The following JAG1 variants were observed in gnomAD, a reference collection of about 807,000 sequenced individuals.
JAG1 encodes jagged canonical Notch ligand 1.
In JAG1, 23 loss-of-function variants were observed where a neutral mutation model predicts 148.7. The observed-to-expected ratio is 0.15, with a 90% CI of 0.11 to 0.22. JAG1 has a LOEUF of 0.22. JAG1 is among the 10% of genes least tolerant of loss of function. The pLI is 1.00. For synonymous variants in JAG1, 572 were observed against 598.3 expected (o/e 0.96, Z 0.64); for missense variants, 1,054 against 1,611.2 (o/e 0.65, Z 5.92).
At position 10,651,596 on chromosome 20, in the gene JAG1, G is replaced by A; in HGVS notation, c.1105C>T (p.Pro369Ser). The A allele has an allele frequency of 6.2e-7, 1 of 1,612,410 alleles. No individual in the cohort carries two copies. The highest frequency in any genetic ancestry group is 8.5e-7 in the Non-Finnish European group (1 of 1,178,492). Residue 369 changes from proline to serine, a missense_variant, in exon 8 of 26, where the codon CCC becomes TCC. Physicochemically the swap from Pro to Ser is moderately conservative, Grantham distance 74 (BLOSUM62 -1). This residue lies in a region of JAG1 where 245 missense variants were observed against 373.1 expected (regional missense o/e 0.66). Transcript: ENST00000254958. ...ECECSPGWTG[P>S]TCSTNIDDCS... is the part of the protein sequence containing the mutation. ...TTGGACTTACTTGTAGAGCATGTGG[G>A]GCCGGTCCAGCCTGGGGAACACTCA... is the stretch of plus-strand genomic sequence containing the variant.
rs996708535 is a variant in JAG1 at position 10,641,470 on chromosome 20, A to C, written c.2906T>G (p.Met969Arg). 1 of 1,613,694 alleles carries C rather than the reference A, an allele frequency of 6.2e-7. No homozygotes were observed. Among genetic ancestry groups the C allele is most frequent in the South Asian group, 1.1e-5 (1 of 91,080 alleles). Residue 969 changes from methionine to arginine, a missense_variant, in exon 23 of 26, where the codon ATG becomes AGG. Met to Arg is a moderately conservative substitution (Grantham distance 91). This residue lies in a region of JAG1 where 342 missense variants were observed against 514.6 expected (regional missense o/e 0.66). Coordinates refer to ENST00000254958, the MANE Select transcript of JAG1 (RefSeq NM_000214.3). ...AAGGTTGTTACATACTGGTGACATC[A>C]TCTCCTTGTTAAAGGTAAATGTGAT... ...ANITFTFNKE[M>R]MSPGLTTEHI...
chr20:10,638,020 T>G lies in JAG1; in HGVS notation c.*1478A>C, dbSNP rs910259099. Reference sequence around the variant, plus strand: ...TTAATAAATATTACTTTTCAAAATTTATTGCCAAGAACAACACATCAAAGA... The same window carrying G: ...TTAATAAATATTACTTTTCAAAATTGATTGCCAAGAACAACACATCAAAGA... On this transcript the variant is annotated 3_prime_UTR_variant, in exon 26 of 26. Transcript: ENST00000254958. The G allele has an allele frequency of 2.6e-5, 4 of 152,694 alleles. No homozygotes were observed. Among genetic ancestry groups the G allele is most frequent in the African/African-American group, 9.6e-5 (4 of 41,472 alleles). 9.5% of individuals were successfully genotyped at this position (152,694 alleles called of 1,614,324 possible). A position where few individuals can be genotyped will look rare whatever the true frequency, so the allele number is the denominator to read the frequency against.
In JAG1 at chr20:10,673,110, G is replaced by T; in HGVS notation, c.82-104C>A. The T allele has an allele frequency of 9.4e-7, 1 of 1,065,894 alleles. No homozygotes were observed. The highest frequency in any genetic ancestry group is 1.4e-6 in the Non-Finnish European group (1 of 712,270). The allele number at this position is 1,065,894 out of a possible 1,614,324, so 66.0% of individuals were successfully genotyped here. ...CTCCCCGCCCCGACGAGCCCTCCTC[G>T]CCGAGTGAAAATAATTTTGCGAAAC... On this transcript the variant is annotated intron_variant, in intron 1 of 25. Transcript: ENST00000254958. The surrounding 1 kb of genome is among the most constrained non-coding windows in gnomAD (Gnocchi z 4.7).
At chr20:10,667,189 C>T (rs370930455) in intron 2 of JAG1, among the ~76,000 whole-genome samples, 5 of 152,346 alleles carry the variant, frequency 3.3e-5, no homozygotes, top group Admixed American at 6.5e-5. Flanking sequence ...AAACGGCACG[C>T]GTGCGGCGTC....
rs374350782 is a variant in JAG1, at chr20:10,663,954, G to A, written c.439+9C>T. The A allele has an allele frequency of 6.3e-5, 102 of 1,611,342 alleles. No individual in the cohort carries two copies. The highest frequency in any genetic ancestry group is 3.3e-4 in the Middle Eastern group (2 of 6,078). The stretch of plus-strand genomic sequence containing the variant: ...TGTTTAGAGAAAAGTCCACAGAAGC[G>A]ATACTTACGAACGGTGTCATTACTG... On this transcript the variant is annotated intron_variant, in intron 3 of 25. Coordinates refer to ENST00000254958, the MANE Select transcript of JAG1 (RefSeq NM_000214.3).
At chr20:10,644,222 C>G (rs1600180877) in intron 19 of JAG1, 135 bp downstream of exon 19, 2 of 816,966 alleles carry the variant, frequency 2.4e-6, no homozygotes, top group Middle Eastern at 3.1e-4. Context: ...TGAGGCCCCA[C>G]CCCAGACCTC....
rs1211109933 is a variant in JAG1, at chr20:10,639,735, C to T, written c.3420G>A (p.Glu1140=). 1 of 1,614,056 alleles carries T rather than the reference C, an allele frequency of 6.2e-7. No homozygotes were observed. Among genetic ancestry groups the T allele is most frequent in the Non-Finnish European group, 8.5e-7 (1 of 1,180,034 alleles). Residue 1140 remains glutamate, a synonymous_variant, in exon 26 of 26, where the codon GAG becomes GAA. Coordinates refer to ENST00000254958, the MANE Select transcript of JAG1 (RefSeq NM_000214.3). The part of the protein sequence containing the change: ...GANTVPIKDY[E]NKNSKMSKIR... ...TTTTAGACATTTTGGAGTTCTTGTT[C>T]TCATAATCCTTGATGGGGACCGTGT...
intron 18 of JAG1, 69 bp downstream of exon 18, chr20:10,644,794 G>T: frequency 1.8e-6 from 2 of 1,106,920 alleles, no homozygotes; most frequent in East Asian, 2.3e-5. Flanking sequence ...GGTTTCCATT[G>T]CAAGTCCCCA....
chr20:10,668,671 G>GT (rs143614067), intron 2 of JAG1, among the ~76,000 whole-genome samples: 212 of 144,824 alleles, frequency 1.5e-3, no homozygotes, highest in Middle Eastern at 7.2e-3. Context: ...CCTTGACACT[G>GT]TTTTTTTTTT....
At chr20:10,648,525 A>G in intron 12 of JAG1, 24 bp downstream of exon 12, 4 of 1,610,858 alleles carry the variant, frequency 2.5e-6, no homozygotes, top group Non-Finnish European at 2.5e-6. Context: ...AAACTTGGCC[A>G]TCTGAGGTTT....
intron 3 of JAG1, among the ~76,000 whole-genome samples, 186 bp downstream of exon 3, chr20:10,663,777 G>T (rs2067433114): frequency 6.6e-6 from 1 of 152,150 alleles, no homozygotes; most frequent in Non-Finnish European, 1.5e-5. Flanking sequence ...AATATTCCAA[G>T]CAAAAATCCT....
In JAG1 at chr20:10,652,665, T is replaced by C. The variant is rs6040055; in HGVS notation, c.756-67A>G. On this transcript the variant is annotated intron_variant, in intron 5 of 25. Transcript: ENST00000254958. ...TTAAGAGACACCTGTACAATTCAAA[T>C]GGAAGACTGCAAAGTCCAGGCTTTT... 979,021 of 1,574,848 alleles carry C rather than the reference T, an allele frequency of 0.62. 306,720 individuals are homozygous for C. The highest frequency in any genetic ancestry group is 0.8 in the African/African-American group (59,733 of 74,290).
chr20:10,658,226 G>T lies in JAG1; in HGVS notation c.694+242C>A, dbSNP rs62185094. 0.026 allele frequency among the ~76,000 whole-genome samples: 3,979 copies of T among 152,286 alleles called. 89 individuals carry two copies. The highest frequency in any genetic ancestry group is 0.049 in the Admixed American group (757 of 15,302). On this transcript the variant is annotated intron_variant, in intron 4 of 25. Transcript: ENST00000254958. ...TGGCCAAGGACGAGTCTCCTGAGAA[G>T]GAGCAGCTGTGAGCTGTTGGCAGCC... is the stretch of plus-strand genomic sequence containing the variant.
chr20:10,659,288 G>A (rs939342106), intron 3 of JAG1, among the ~76,000 whole-genome samples: 1 of 152,220 alleles, frequency 6.6e-6, no homozygotes, highest in Non-Finnish European at 1.5e-5. Context: ...AGCCCTTTCT[G>A]GTAGTTACAA....
chr20:10,652,392 C>T (rs2067353378), intron 6 of JAG1, 76 bp downstream of exon 6: 2 of 1,601,180 alleles, frequency 1.2e-6, no homozygotes, highest in African/African-American at 1.3e-5. Context: ...AAAGCCCCTG[C>T]CAATAAAATT....
chr20:10,639,575 G>A lies in JAG1; in HGVS notation c.3580C>T (p.Pro1194Ser). Residue 1194 changes from proline to serine, a missense_variant, in exon 26 of 26, where the codon CCA becomes TCA. By Grantham distance (74) the Pro-to-Ser change is moderately conservative. This residue lies in a region of JAG1 where 177 missense variants were observed against 177.3 expected (regional missense o/e 1.00). Coordinates refer to ENST00000254958, the MANE Select transcript of JAG1 (RefSeq NM_000214.3). ...KPPNGTPTKH[P>S]NWTNKQDNRD... ...TTGTCCTGTTTGTTTGTCCAGTTTG[G>A]GTGTTTTGTCGGCGTGCCGTTGGGG... 1 of 1,614,190 alleles carries A rather than the reference G, an allele frequency of 6.2e-7. No homozygotes were observed. The highest frequency in any genetic ancestry group is 2.2e-5 in the East Asian group (1 of 44,892).
At position 10,673,434 on chromosome 20, in the gene JAG1, G is replaced by A; in HGVS notation, c.81+16C>T. 1.4e-6 allele frequency: 2 copies of A among 1,448,666 alleles called. No homozygotes were observed. The highest frequency in any genetic ancestry group is 2.8e-5 in the Admixed American group (1 of 35,266). 89.7% of individuals were successfully genotyped at this position (1,448,666 alleles called of 1,614,324 possible). On this transcript the variant is annotated intron_variant, in intron 1 of 25. Transcript: ENST00000254958. This position sits in a 1 kb window ranked among gnomAD's most constrained non-coding sequence, Gnocchi z 4.7. ...GAGAGGACGGCTGGGAGGGAGGCCC[G>A]GAGAAGGGCTCCTACCTTGGCTCGC...
Position 10,667,651 on chromosome 20 carries a change from T to C in JAG1, c.388-3637A>G, listed in dbSNP as rs1222148095. Among the ~76,000 whole-genome samples, 6 of 152,284 alleles carry C rather than the reference T, an allele frequency of 3.9e-5. No homozygotes were observed. In the East Asian group the frequency reaches 7.7e-4, roughly 20 times the overall value. ...CAGAAAGCAATCAAGTCTGTAGGGC[T>C]TGACATGTCAATAGAGTCCGATCTG... On this transcript the variant is annotated intron_variant, in intron 2 of 25. Coordinates refer to ENST00000254958, the MANE Select transcript of JAG1 (RefSeq NM_000214.3).
At position 10,639,593 on chromosome 20, in the gene JAG1, C is replaced by T. The variant is rs1051571820; in HGVS notation, c.3562G>A (p.Gly1188Ser). The change falls in exon 26 of 26, where the codon GGC becomes AGC. Residue 1188 changes from glycine to serine, a missense_variant. By Grantham distance (56) the Gly-to-Ser change is moderately conservative. Coordinates refer to ENST00000254958, the MANE Select transcript of JAG1 (RefSeq NM_000214.3). ...LVDREEKPPN[G>S]TPTKHPNWTN... The stretch of plus-strand genomic sequence containing the variant: ...CAGTTTGGGTGTTTTGTCGGCGTGC[C>T]GTTGGGGGGCTTCTCTTCTCTGTCT... 28 of 1,614,054 alleles carry T rather than the reference C, an allele frequency of 1.7e-5. No homozygotes were observed. Among genetic ancestry groups the T allele is most frequent in the East Asian group, 4.5e-5 (2 of 44,902 alleles).
Sources: allele counts gnomAD v4.1 joint callset (sites outside exome capture counted in the v4.1 genomes callset), GRCh38; gene constraint gnomAD v4.1.1; regional missense constraint gnomAD v4.1.1; non-coding constraint Gnocchi (gnomAD v3.1); transcripts MANE v1.5; gene names NCBI Gene and HGNC (gene_info 2026-07-23, HGNC 2026-07-21).